The following CDH13 variants were observed in gnomAD, a reference collection of about 807,000 sequenced individuals.
The protein encoded by CDH13 is cadherin-13.
In CDH13, 24 loss-of-function variants were observed where a neutral mutation model predicts 63.8. The observed-to-expected ratio is 0.38, with a 90% CI of 0.27 to 0.53. CDH13 has a LOEUF of 0.53. CDH13 is among the 20% of genes least tolerant of loss of function. The pLI is 0.85. For missense variants in CDH13, 1,049 were observed against 903.1 expected (o/e 1.16, Z -2.07); for synonymous variants, 503 against 355.3 (o/e 1.42, Z -4.67).
In CDH13 at chr16:83,377,487, T is replaced by A. The variant is rs2091480361; in HGVS notation, c.781+32481T>A. On this transcript the variant is annotated intron_variant, in intron 6 of 13. Transcript: ENST00000567109. Reference sequence around the variant, plus strand: ...TTGATGGGACTGTCAAACTCTTGGGTGAGCTTTATTGTCAGTCACAGGGTC... The same window carrying A: ...TTGATGGGACTGTCAAACTCTTGGGAGAGCTTTATTGTCAGTCACAGGGTC... 2.0e-5 allele frequency among the ~76,000 whole-genome samples: 3 copies of A among 152,298 alleles called. No individual in the cohort carries two copies. The South Asian group carries it at 6.2e-4, about 32-fold the overall frequency.
intron 6 of CDH13, among the ~76,000 whole-genome samples, chr16:83,452,881 G>T (rs2151513034): frequency 6.6e-6 from 1 of 152,234 alleles, no homozygotes; most frequent in East Asian, 1.9e-4. Flanking sequence ...CCCTCCTTTT[G>T]TTCCAGGAAC....
intron 1 of CDH13, among the ~76,000 whole-genome samples, chr16:82,765,715 C>T (rs1567512348): frequency 6.6e-6 from 1 of 152,168 alleles, no homozygotes; most frequent in Non-Finnish European, 1.5e-5. Flanking sequence ...AAACATACCT[C>T]TGAAGAGTAT....
Position 83,559,596 on chromosome 16 carries a change from A to AGAAG in CDH13, c.961-42842_961-42839dup, listed in dbSNP as rs1320823979. 1.0e-3 allele frequency among the ~76,000 whole-genome samples: 151 copies of AGAAG among 151,744 alleles called. 2 individuals are homozygous for AGAAG. The East Asian group carries it at 0.025, about 25-fold the overall frequency. Reference sequence around the variant, plus strand: ...AAAGAAAGAGAGAGAGAGAGAGAAAAGAAGGAAGGAAGGAAGGAAAGAAAG... The same window carrying AGAAG: ...AAAGAAAGAGAGAGAGAGAGAGAAAAGAAGGAAGGAAGGAAGGAAGGAAAGAAAG... On this transcript the variant is annotated intron_variant, in intron 7 of 13. Coordinates refer to ENST00000567109, the MANE Select transcript of CDH13 (RefSeq NM_001257.5).
chr16:83,282,736 C>T (rs569945262), intron 5 of CDH13, among the ~76,000 whole-genome samples: 112 of 152,272 alleles, frequency 7.4e-4, no homozygotes, highest in African/African-American at 2.6e-3. Flanking sequence ...ATAAGTTTTC[C>T]TTTCCAGCAA....
intron 8 of CDH13, among the ~76,000 whole-genome samples, chr16:83,631,146 G>T (rs981889175): frequency 1.3e-5 from 2 of 152,298 alleles, no homozygotes; most frequent in Middle Eastern, 6.8e-3. Context: ...GCCAGCAGAT[G>T]CAGTCAACGA....
At chr16:82,804,847 T>C (rs1053880359) in intron 1 of CDH13, among the ~76,000 whole-genome samples, 2 of 152,218 alleles carry the variant, frequency 1.3e-5, no homozygotes, top group Non-Finnish European at 2.9e-5. Context: ...TTAAGAAATT[T>C]AGAGAAATAA....
At chr16:83,068,535 T>C (rs1015567686) in intron 3 of CDH13, among the ~76,000 whole-genome samples, 3 of 152,178 alleles carry the variant, frequency 2.0e-5, no homozygotes, top group African/African-American at 7.2e-5. Flanking sequence ...CTCTTTTTGT[T>C]GTAACCAGCC....
intron 4 of CDH13, among the ~76,000 whole-genome samples, chr16:83,151,993 G>C (rs1487658291): frequency 6.6e-6 from 1 of 150,646 alleles, no homozygotes; most frequent in Non-Finnish European, 1.5e-5. Flanking sequence ...TCACTAAGTA[G>C]CCTTTTGCAA....
chr16:82,926,862 C>T (rs1238471629), intron 2 of CDH13, among the ~76,000 whole-genome samples: 1 of 152,122 alleles, frequency 6.6e-6, no homozygotes, highest in East Asian at 1.9e-4. Context: ...GTGTTTTATT[C>T]CAGTGTCCGG....
At chr16:83,425,078 A>T (rs563308718) in intron 6 of CDH13, among the ~76,000 whole-genome samples, 159 of 152,268 alleles carry the variant, frequency 1.0e-3, no homozygotes, top group Non-Finnish European at 2.0e-3. Context: ...CATGCTTACA[A>T]CCTCGGTCAA....
chr16:82,952,259 T>C (rs1038022197), intron 2 of CDH13, among the ~76,000 whole-genome samples: 3 of 152,170 alleles, frequency 2.0e-5, no homozygotes, highest in Non-Finnish European at 4.4e-5. Flanking sequence ...TCATGTACCA[T>C]CTGAGCGTGG....
intron 6 of CDH13, among the ~76,000 whole-genome samples, chr16:83,435,343 C>A (rs910778058): frequency 1.3e-5 from 2 of 152,056 alleles, no homozygotes; most frequent in Non-Finnish European, 2.9e-5. Context: ...TATGCCTGGC[C>A]CCCTATTTGA....
At chr16:82,698,465 A>G (rs771292789) in intron 1 of CDH13, among the ~76,000 whole-genome samples, 21 of 152,364 alleles carry the variant, frequency 1.4e-4, no homozygotes, top group Non-Finnish European at 2.1e-4. Flanking sequence ...CTGCCCATGC[A>G]TATGGGCTCA....
At chr16:83,091,038 G>T (rs2033881963) in intron 3 of CDH13, among the ~76,000 whole-genome samples, 1 of 151,704 alleles carries the variant, frequency 6.6e-6, no homozygotes, top group African/African-American at 2.4e-5. Context: ...CATTTTCTAT[G>T]TTGCTACATG....
chr16:83,724,237 G>GGAATGCATGGGTGGATGAT, intron 10 of CDH13, among the ~76,000 whole-genome samples: 1 of 114,796 alleles, frequency 8.7e-6, no homozygotes, highest in Non-Finnish European at 2.1e-5. Flanking sequence ...GGATGAATGT[G>GGAATGCATGGGTGGATGAT]GAATGCATGG....
chr16:83,214,731 C>T (rs927654958), intron 4 of CDH13, among the ~76,000 whole-genome samples: 3 of 151,972 alleles, frequency 2.0e-5, no homozygotes, highest in African/African-American at 7.3e-5. Context: ...TTCTGTGTGG[C>T]AGGACATGTA....
chr16:83,325,969 C>T (rs1299802974), intron 5 of CDH13, among the ~76,000 whole-genome samples: 2 of 151,948 alleles, frequency 1.3e-5, no homozygotes, highest in African/African-American at 2.4e-5. Flanking sequence ...AAATGCTAAA[C>T]TGAAAGAGAA....
At position 83,560,947 on chromosome 16, in the gene CDH13, G is replaced by T. The variant is rs551744986; in HGVS notation, c.961-41507G>T. ...GAGGGTTGGGCAGATTAACCTGGAAGGGAAAGGGTATGTCTAGCAAATTAG... is the reference window on the plus strand; with the variant it reads ...GAGGGTTGGGCAGATTAACCTGGAATGGAAAGGGTATGTCTAGCAAATTAG... On this transcript the variant is annotated intron_variant, in intron 7 of 13. Coordinates refer to ENST00000567109, the MANE Select transcript of CDH13 (RefSeq NM_001257.5). Among the ~76,000 whole-genome samples the T allele has an allele frequency of 2.6e-5, 4 of 152,034 alleles. No homozygotes were observed. The South Asian group carries it at 8.3e-4, about 32-fold the overall frequency.
At chr16:83,097,360 A>C (rs2034257764) in intron 3 of CDH13, among the ~76,000 whole-genome samples, 1 of 152,234 alleles carries the variant, frequency 6.6e-6, no homozygotes, top group African/African-American at 2.4e-5. Context: ...AAGAGAGCTC[A>C]AGATTATGGG....
Sources: gnomAD v4.1 joint callset for allele counts (sites outside exome capture counted in the v4.1 genomes callset) on GRCh38, gnomAD v4.1.1 for gene constraint, MANE v1.5 for transcripts, NCBI Gene and HGNC (gene_info 2026-07-23, HGNC 2026-07-21) for gene names.